Variants in CCNH observed in about 807,000 individuals in gnomAD.
CCNH encodes cyclin-H.
Under a neutral mutation model 41.9 loss-of-function variants are expected in CCNH, and 31 were observed. The ratio of observed to expected loss-of-function variants is 0.74; its 90% CI spans 0.56 to 1.00. CCNH has a LOEUF of 1.00. CCNH is among the 50% of genes least tolerant of loss of function. The pLI, the probability that CCNH is intolerant of heterozygous loss-of-function variation, is 0.00. For synonymous variants in CCNH, 138 were observed against 136.1 expected (o/e 1.01, Z -0.10); for missense variants, 362 against 388.4 (o/e 0.93, Z 0.57).
intron 1 of CCNH, 88 bp from the exon 2 acceptor site, chr5:87,411,434 G>C (rs1764233525): frequency 7.6e-7 from 1 of 1,319,320 alleles, no homozygotes; most frequent in African/African-American, 1.5e-5. Flanking sequence ...ATTAAATTTA[G>C]TTTATATATC....
intron 9 of CCNH, chr5:87,331,318 A>G (rs745855413): frequency 1.3e-6 from 2 of 1,568,452 alleles, no homozygotes; most frequent in East Asian, 2.2e-5. Flanking sequence ...TGCTATTTAT[A>G]TTGTAATATC....
upstream of CCNH, among the ~76,000 whole-genome samples, chr5:87,377,935 T>A (rs1761436657): frequency 6.6e-6 from 1 of 152,248 alleles, no homozygotes; most frequent in Admixed American, 6.5e-5. Context: ...ACAGCATTTG[T>A]ATTTCATTAA....
At chr5:87,394,945 T>A in intron 8 of CCNH, 99 bp downstream of exon 8, 1 of 1,583,740 alleles carries the variant, frequency 6.3e-7, no homozygotes, top group Non-Finnish European at 8.6e-7. Context: ...CCCACAACTC[T>A]ATAATGCCTG....
intron 9 of CCNH, among the ~76,000 whole-genome samples, chr5:87,369,022 T>C (rs1187852231): frequency 6.6e-6 from 1 of 152,200 alleles, no homozygotes; most frequent in East Asian, 1.9e-4. Context: ...CATGAAAATA[T>C]AGTCTTTATC....
downstream of CCNH, among the ~76,000 whole-genome samples, chr5:87,313,739 G>A (rs966013403): frequency 2.0e-5 from 3 of 152,194 alleles, no homozygotes; most frequent in East Asian, 1.9e-4. Flanking sequence ...CATGGTAGAC[G>A]ATTAATTATG....
At chr5:87,352,443 C>T (rs1759342786) in intron 9 of CCNH, among the ~76,000 whole-genome samples, 1 of 151,486 alleles carries the variant, frequency 6.6e-6, no homozygotes, top group South Asian at 2.1e-4. Context: ...TCCAAGATTT[C>T]CATATTCAGG....
intron 4 of CCNH, among the ~76,000 whole-genome samples, chr5:87,406,315 A>G (rs1276775960): frequency 6.6e-6 from 1 of 152,088 alleles, no homozygotes; most frequent in East Asian, 1.9e-4. Flanking sequence ...TGCTCTCACT[A>G]CTAGCTCTTT....
chr5:87,346,807 T>A (rs1207442665), intron 9 of CCNH: 1 of 1,105,366 alleles, frequency 9.0e-7, no homozygotes, highest in African/African-American at 1.6e-5. Context: ...GTGTTTTGCC[T>A]TTAGCATTCA....
intron 9 of CCNH, among the ~76,000 whole-genome samples, chr5:87,327,043 A>G (rs1269930611): frequency 6.6e-6 from 1 of 152,206 alleles, no homozygotes; most frequent in Non-Finnish European, 1.5e-5. Context: ...ATATCCTTTG[A>G]GTATCCTCTA....
At chr5:87,369,249 A>G (rs1760749782) in intron 9 of CCNH, among the ~76,000 whole-genome samples, 1 of 152,186 alleles carries the variant, frequency 6.6e-6, no homozygotes, top group Admixed American at 6.5e-5. Flanking sequence ...TTGTACTTAC[A>G]TATCAAATGA....
chr5:87,412,200 A>T (rs1361662323), intron 1 of CCNH: 1 of 157,190 alleles, frequency 6.4e-6, no homozygotes, highest in Non-Finnish European at 1.4e-5. Flanking sequence ...TTCCCTTCCT[A>T]CCCTCCCCAG....
At chr5:87,338,536 A>ATATATATATATATATATTTTTT in intron 9 of CCNH, among the ~76,000 whole-genome samples, 3 of 85,220 alleles carry the variant, frequency 3.5e-5, no homozygotes, top group East Asian at 9.9e-4. Flanking sequence ...TATATATAAA[A>ATATATATATATATATATTTTTT]TTTTTTTTTT....
intron 9 of CCNH, chr5:87,332,687 G>A: frequency 6.5e-7 from 1 of 1,542,004 alleles, no homozygotes; most frequent in Non-Finnish European, 8.9e-7. Flanking sequence ...TATTTTTTCA[G>A]TACAATAATG....
At chr5:87,337,736 A>G (rs1426423744) in intron 9 of CCNH, among the ~76,000 whole-genome samples, 3 of 152,142 alleles carry the variant, frequency 2.0e-5, no homozygotes, top group Non-Finnish European at 4.4e-5. Context: ...TAGTTAGTGC[A>G]GATACTACTA....
downstream of CCNH, among the ~76,000 whole-genome samples, chr5:87,390,476 G>C (rs539361390): frequency 3.7e-4 from 56 of 151,120 alleles, no homozygotes; most frequent in African/African-American, 1.3e-3. Context: ...ACTTGCCTTA[G>C]ATATTAAATA....
chr5:87,380,446 G>A, upstream of CCNH: 1 of 1,410,568 alleles, frequency 7.1e-7, no homozygotes, highest in South Asian at 1.1e-5. Flanking sequence ...TAAGCTTTTG[G>A]CTGCTAGGAG....
downstream of CCNH, among the ~76,000 whole-genome samples, chr5:87,390,102 C>T (rs1762388161): frequency 6.6e-6 from 1 of 152,052 alleles, no homozygotes. Context: ...CCATCTGCAC[C>T]AAACAGATAC....
At chr5:87,390,966 C>T, downstream of CCNH, 1 of 1,364,738 alleles carries the variant, frequency 7.3e-7, no homozygotes, top group Non-Finnish European at 1.0e-6. Flanking sequence ...TTTGCTCTTG[C>T]CAAAAAATAG....
chr5:87,347,264 G>A (rs1758933158), intron 9 of CCNH, among the ~76,000 whole-genome samples: 2 of 151,818 alleles, frequency 1.3e-5, no homozygotes. Flanking sequence ...TTGTATACTT[G>A]TGGAATTATA....
Sources: allele counts gnomAD v4.1 joint callset (sites outside exome capture counted in the v4.1 genomes callset), GRCh38; gene constraint gnomAD v4.1.1; transcripts MANE v1.5; gene names NCBI Gene and HGNC (gene_info 2026-07-23, HGNC 2026-07-21).